RPS6KC1: variants seen among roughly 807,000 people sequenced by gnomAD.
RPS6KC1 encodes inactive ribosomal protein S6 kinase delta-1.
A neutral mutation model predicts 103.8 loss-of-function variants in RPS6KC1; 54 were observed. That is an observed-to-expected ratio of 0.52 (90% confidence interval 0.42 to 0.65). RPS6KC1 has a LOEUF of 0.65. Ranked by LOEUF, RPS6KC1 falls within the 30% of genes least tolerant of loss-of-function variation. RPS6KC1 has a pLI of 0.00. For synonymous variants in RPS6KC1, 439 were observed against 438.7 expected, an observed-to-expected ratio of 1.00 and a Z score of -0.01; for missense variants, 1,151 against 1,253.8, an observed-to-expected ratio of 0.92 and a Z score of 1.24.
chr1:213,283,328 C>A, the RPS6KC1 span, among the ~76,000 whole-genome samples: 2 of 152,162 alleles, frequency 1.3e-5, no homozygotes, highest in East Asian at 1.9e-4. Flanking sequence ...CATAATCCCC[C>A]ACAAAAGCAT....
chr1:213,274,603 A>C lies in RPS6KC1; in HGVS notation c.*1969A>C, dbSNP rs1052665851. On this transcript the variant is annotated 3_prime_UTR_variant, in exon 15 of 15. Transcript: ENST00000366960. ...TTATTTTAGTAATAAACACAGGATA[A>C]ATAGCTTTGGGGTGATGAACCAGAG... 19 of 152,172 alleles carry C rather than the reference A, an allele frequency of 1.2e-4. No homozygotes were observed. The highest frequency in any genetic ancestry group is 4.6e-4 in the African/African-American group (19 of 41,440). 9.4% of individuals were successfully genotyped at this position (152,172 alleles called of 1,614,324 possible).
At chr1:213,090,249 T>C (rs1425311955) in intron 3 of RPS6KC1, among the ~76,000 whole-genome samples, 1 of 152,222 alleles carries the variant, frequency 6.6e-6, no homozygotes, top group Non-Finnish European at 1.5e-5. Context: ...CTACAGCCAG[T>C]ATTTTTTCTT....
At chr1:213,657,194 G>A in the RPS6KC1 span, among the ~76,000 whole-genome samples, 1 of 152,182 alleles carries the variant, frequency 6.6e-6, no homozygotes, top group Admixed American at 6.5e-5. Context: ...AGAGACATAT[G>A]TGAGGCATTA....
chr1:213,550,053 G>A, the RPS6KC1 span, among the ~76,000 whole-genome samples: 1 of 152,104 alleles, frequency 6.6e-6, no homozygotes, highest in Admixed American at 6.6e-5. Context: ...CTTTTCCATT[G>A]AAATAATCAT....
chr1:213,788,500 C>A, the RPS6KC1 span, among the ~76,000 whole-genome samples: 1 of 152,078 alleles, frequency 6.6e-6, no homozygotes, highest in African/African-American at 2.4e-5. Flanking sequence ...CAAAACCCAC[C>A]GAAAACAAAA....
At chr1:213,184,510 C>T (rs1325042511) in intron 8 of RPS6KC1, among the ~76,000 whole-genome samples, 1 of 150,406 alleles carries the variant, frequency 6.6e-6, no homozygotes, top group Non-Finnish European at 1.5e-5. Flanking sequence ...ATTTATTTCC[C>T]CTCTGATCTT....
At chr1:213,163,852 C>T (rs2090717629) in intron 6 of RPS6KC1, among the ~76,000 whole-genome samples, 1 of 152,168 alleles carries the variant, frequency 6.6e-6, no homozygotes, top group African/African-American at 2.4e-5. Flanking sequence ...GTTGTCTCTC[C>T]ATTCTGATTC....
At chr1:213,482,811 T>A in the RPS6KC1 span, among the ~76,000 whole-genome samples, 1 of 152,020 alleles carries the variant, frequency 6.6e-6, no homozygotes, top group African/African-American at 2.4e-5. Context: ...CCTCCCAAAG[T>A]GACCTTTGTT....
At chr1:213,496,769 A>G in the RPS6KC1 span, among the ~76,000 whole-genome samples, 2 of 152,170 alleles carry the variant, frequency 1.3e-5, no homozygotes, top group African/African-American at 4.8e-5. Context: ...GGGGAAAAAA[A>G]GAAAAGAAAC....
chr1:213,452,335 G>GA, the RPS6KC1 span, among the ~76,000 whole-genome samples: 7,284 of 135,124 alleles, frequency 0.054, 207 homozygotes, highest in African/African-American at 0.078. Flanking sequence ...TCATAACTAG[G>GA]AAAAAAAAAA....
chr1:213,678,866 G>C, the RPS6KC1 span, among the ~76,000 whole-genome samples: 2 of 152,210 alleles, frequency 1.3e-5, no homozygotes, highest in East Asian at 3.8e-4. Context: ...TCCTTAGCAA[G>C]TTGTCCTACC....
the RPS6KC1 span, among the ~76,000 whole-genome samples, chr1:213,444,744 C>CAAAAAAAAAAAAAAAAAAATAAAAAAAAA: frequency 1.1e-5 from 1 of 87,542 alleles, no homozygotes. Context: ...AACTCCAACT[C>CAAAAAAAAAAAAAAAAAAATAAAAAAAAA]AAAAAAAAAA....
intron 8 of RPS6KC1, among the ~76,000 whole-genome samples, chr1:213,209,052 C>G (rs1202328487): frequency 1.3e-5 from 2 of 151,984 alleles, no homozygotes; most frequent in African/African-American, 4.8e-5. Context: ...TCTGGATGAA[C>G]TAAGACCACA....
chr1:213,175,492 A>G (rs1398539772), intron 7 of RPS6KC1, among the ~76,000 whole-genome samples: 2 of 152,222 alleles, frequency 1.3e-5, no homozygotes, highest in African/African-American at 2.4e-5. Context: ...TGTCCTTTGC[A>G]GCATCACCAT....
the RPS6KC1 span, among the ~76,000 whole-genome samples, chr1:213,794,940 C>T: frequency 8.5e-4 from 129 of 152,290 alleles, 2 homozygotes; most frequent in African/African-American, 2.9e-3. Flanking sequence ...CATAAATGCA[C>T]GTCTAGGTCA....
intron 8 of RPS6KC1, among the ~76,000 whole-genome samples, chr1:213,194,194 G>A (rs987721941): frequency 4.6e-5 from 7 of 152,074 alleles, no homozygotes; most frequent in African/African-American, 1.4e-4. Context: ...TTTTCCGCCT[G>A]TGTGTCTTTA....
At chr1:213,557,988 A>G in the RPS6KC1 span, among the ~76,000 whole-genome samples, 8 of 152,162 alleles carry the variant, frequency 5.3e-5, no homozygotes, top group African/African-American at 1.7e-4. Context: ...GAGAAGGAAA[A>G]CTTTCTAGAA....
chr1:213,409,091 C>T, the RPS6KC1 span, among the ~76,000 whole-genome samples: 1 of 152,198 alleles, frequency 6.6e-6, no homozygotes, highest in East Asian at 1.9e-4. Flanking sequence ...ATGTAAAGAG[C>T]ACGTTGGAGT....
At chr1:213,582,063 A>G in the RPS6KC1 span, among the ~76,000 whole-genome samples, 2 of 147,778 alleles carry the variant, frequency 1.4e-5, no homozygotes, top group Non-Finnish European at 3.0e-5. Context: ...GTTCCTAAAA[A>G]CTTTGGCTCT....
Sources: allele counts gnomAD v4.1 joint callset (sites outside exome capture counted in the v4.1 genomes callset), GRCh38; gene constraint gnomAD v4.1.1; transcripts MANE v1.5; gene names NCBI Gene and HGNC (gene_info 2026-07-23, HGNC 2026-07-21).